Variants in MACROD2 observed in about 807,000 individuals in gnomAD.
The protein encoded by MACROD2 is mono-ADP ribosylhydrolase 2.
MACROD2 carries 36 observed loss-of-function variants against 70.4 expected under a neutral mutation model. The ratio of observed to expected loss-of-function variants is 0.51; its 90% CI spans 0.39 to 0.68. The LOEUF (loss-of-function observed/expected upper bound fraction) is 0.68. Ranked by LOEUF, MACROD2 falls within the 30% of genes least tolerant of loss-of-function variation. The probability of loss-of-function intolerance (pLI) is 0.00; values close to 1 mark genes in which losing one functional copy is unlikely to be tolerated. For missense variants in MACROD2, 496 were observed against 538.4 expected (o/e 0.92, Z 0.78); for synonymous variants, 172 against 178.8 (o/e 0.96, Z 0.30).
chr20:15,480,950 C>T (rs201472825), intron 7 of MACROD2, among the ~76,000 whole-genome samples: 1 of 117,990 alleles, frequency 8.5e-6, no homozygotes. Flanking sequence ...TTTAACCATG[C>T]CTGTGTCTTC....
At chr20:14,122,735 T>C (rs892620576) in intron 3 of MACROD2, among the ~76,000 whole-genome samples, 7 of 152,218 alleles carry the variant, frequency 4.6e-5, no homozygotes, top group African/African-American at 1.4e-4. Context: ...GGCAGTATCT[T>C]GTGCAGGAGT....
intron 5 of MACROD2, among the ~76,000 whole-genome samples, chr20:15,002,709 A>G (rs1205120797): frequency 6.6e-6 from 1 of 152,174 alleles, no homozygotes; most frequent in East Asian, 1.9e-4. Context: ...AACCGCCATG[A>G]TAAATGGAAC....
intron 3 of MACROD2, among the ~76,000 whole-genome samples, chr20:14,087,058 G>GA (rs2148670272): frequency 6.6e-6 from 1 of 152,288 alleles, no homozygotes; most frequent in South Asian, 2.1e-4. Context: ...CAATTTAGCA[G>GA]AAAGTTCAGA....
At chr20:14,882,918 G>A (rs939992710) in intron 5 of MACROD2, among the ~76,000 whole-genome samples, 2 of 152,130 alleles carry the variant, frequency 1.3e-5, no homozygotes, top group Non-Finnish European at 2.9e-5. Context: ...CTGATATTAT[G>A]GAGACACCAA....
intron 3 of MACROD2, among the ~76,000 whole-genome samples, chr20:14,244,574 A>G (rs975423818): frequency 6.6e-6 from 1 of 152,168 alleles, no homozygotes; most frequent in Non-Finnish European, 1.5e-5. Flanking sequence ...TCTATACAGA[A>G]CAAAGGCCCT....
At chr20:15,304,306 C>G (rs2077675398) in intron 6 of MACROD2, among the ~76,000 whole-genome samples, 1 of 152,054 alleles carries the variant, frequency 6.6e-6, no homozygotes, top group South Asian at 2.1e-4. Flanking sequence ...TGGGACTGGT[C>G]CATCCCATAG....
intron 2 of MACROD2, among the ~76,000 whole-genome samples, chr20:14,026,459 A>G (rs532813372): frequency 3.3e-5 from 5 of 152,214 alleles, no homozygotes; most frequent in East Asian, 1.9e-4. Flanking sequence ...ACAATTTGGT[A>G]TGTTTTTGCA....
chr20:14,982,751 A>G (rs762162396), intron 5 of MACROD2, among the ~76,000 whole-genome samples: 36 of 152,182 alleles, frequency 2.4e-4, no homozygotes, highest in Admixed American at 7.2e-4. Context: ...CTCAGGCAGA[A>G]GTTTGCTTTA....
At chr20:14,802,870 G>T (rs2072595041) in intron 5 of MACROD2, among the ~76,000 whole-genome samples, 1 of 151,302 alleles carries the variant, frequency 6.6e-6, no homozygotes, top group South Asian at 2.1e-4. Flanking sequence ...TTTTTTTTCA[G>T]TTAGAATATC....
At chr20:15,779,983 G>T (rs748337719) in intron 8 of MACROD2, among the ~76,000 whole-genome samples, 14 of 152,038 alleles carry the variant, frequency 9.2e-5, no homozygotes, top group Non-Finnish European at 8.8e-5. Context: ...AGCATGGTTA[G>T]CACATTTAGC....
chr20:15,024,396 G>A (rs1313013707), intron 5 of MACROD2, among the ~76,000 whole-genome samples: 1 of 151,922 alleles, frequency 6.6e-6, no homozygotes, highest in African/African-American at 2.4e-5. Flanking sequence ...GAAGAGGAAG[G>A]GGAAGAAGAA....
intron 4 of MACROD2, among the ~76,000 whole-genome samples, chr20:14,588,085 T>C (rs1981507209): frequency 6.6e-6 from 1 of 152,184 alleles, no homozygotes; most frequent in Non-Finnish European, 1.5e-5. Context: ...TTTTTATCTA[T>C]GTATATGTTT....
At chr20:14,589,145 A>G (rs993896867) in intron 4 of MACROD2, among the ~76,000 whole-genome samples, 21 of 152,244 alleles carry the variant, frequency 1.4e-4, no homozygotes, top group African/African-American at 4.8e-4. Context: ...AATGCATTTC[A>G]GGATTCATGG....
intron 4 of MACROD2, among the ~76,000 whole-genome samples, chr20:14,532,491 G>A (rs1484684207): frequency 6.6e-6 from 1 of 151,774 alleles, no homozygotes; most frequent in African/African-American, 2.4e-5. Context: ...CCAAAGTGCT[G>A]GGATTACAGG....
At chr20:15,494,776 T>TGCGC (rs1555829397) in intron 7 of MACROD2, among the ~76,000 whole-genome samples, 133 of 131,976 alleles carry the variant, frequency 1.0e-3, no homozygotes, top group Middle Eastern at 3.9e-3. Flanking sequence ...CGTGTGTGTG[T>TGCGC]GCGCGCGTGT....
At chr20:15,767,120 T>G (rs2051540921) in intron 8 of MACROD2, among the ~76,000 whole-genome samples, 1 of 152,228 alleles carries the variant, frequency 6.6e-6, no homozygotes, top group African/African-American at 2.4e-5. Context: ...GCCAGCTTTT[T>G]CTCTTTTAAA....
chr20:15,017,215 C>T (rs1488687565), intron 5 of MACROD2, among the ~76,000 whole-genome samples: 1 of 152,170 alleles, frequency 6.6e-6, no homozygotes, highest in African/African-American at 2.4e-5. Context: ...TAAATACAGT[C>T]ATTCCAAACG....
At chr20:14,742,983 G>T (rs1219457569) in intron 5 of MACROD2, among the ~76,000 whole-genome samples, 1 of 151,838 alleles carries the variant, frequency 6.6e-6, no homozygotes, top group Non-Finnish European at 1.5e-5. Flanking sequence ...AGCCGGGATG[G>T]TCTCGATCTC....
chr20:14,409,913 TTCCCA>T (rs2083731632), intron 3 of MACROD2, among the ~76,000 whole-genome samples: 1 of 152,172 alleles, frequency 6.6e-6, no homozygotes, highest in Non-Finnish European at 1.5e-5. Context: ...GCTGTAGCTC[TTCCCA>T]TATCTCCAAA....
Sources: gnomAD v4.1 joint callset for allele counts (sites outside exome capture counted in the v4.1 genomes callset) on GRCh38, gnomAD v4.1.1 for gene constraint, MANE v1.5 for transcripts, NCBI Gene and HGNC (gene_info 2026-07-23, HGNC 2026-07-21) for gene names.